The following SDK2 variants were observed in gnomAD, a reference collection of about 807,000 sequenced individuals.
SDK2 encodes the protein sidekick cell adhesion molecule 2.
In SDK2, 105 loss-of-function variants were observed where a neutral mutation model predicts 253.9. That is an observed-to-expected ratio of 0.41 (90% confidence interval 0.35 to 0.49). SDK2 has a LOEUF of 0.49. SDK2 is among the 20% of genes least tolerant of loss of function. The pLI, the probability that SDK2 is intolerant of heterozygous loss-of-function variation, is 0.06. For missense variants in SDK2, 2,608 were observed against 3,003.0 expected (o/e 0.87, Z 3.07); for synonymous variants, 1,249 against 1,234.9 (o/e 1.01, Z -0.24).
intron 18 of SDK2, among the ~76,000 whole-genome samples, chr17:73,404,585 C>G (rs922964931): frequency 2.0e-5 from 3 of 152,204 alleles, no homozygotes; most frequent in African/African-American, 4.8e-5. Context: ...CATGGACCTA[C>G]TAAGAGCTGG....
chr17:73,368,302 A>C, intron 37 of SDK2, 105 bp downstream of exon 37: 1 of 1,057,046 alleles, frequency 9.5e-7, no homozygotes, highest in Non-Finnish European at 1.3e-6. Flanking sequence ...CAGGCGGATA[A>C]GGCAGCTGCC....
chr17:73,528,248 G>A (rs2064141739), intron 1 of SDK2, among the ~76,000 whole-genome samples: 1 of 152,190 alleles, frequency 6.6e-6, no homozygotes, highest in Non-Finnish European at 1.5e-5. Context: ...TGAAGAGGTA[G>A]GGAGCCCGGC....
Position 73,386,489 on chromosome 17 carries a change from C to T in SDK2, c.4454G>A (p.Ser1485Asn). The change falls in exon 31 of 45, where the codon AGC (serine) becomes AAC (asparagine). Residue 1485 changes from serine (S) to asparagine (N), a missense_variant. Ser to Asn is a conservative substitution (Grantham distance 46, BLOSUM62 1). This residue lies in a region of SDK2 where 1,103 missense variants were observed against 1,143.9 expected (regional missense o/e 0.96). Transcript: ENST00000392650. ...TGACTCCGACTCCTCGCTGAACTCG[C>T]TGTCGCCAATGTCATTGGTCGCCTT... ...RVKATNDIGDSEFSEESESLT... is the reference protein window; with the variant it reads ...RVKATNDIGDNEFSEESESLT... 6.4e-7 allele frequency: 1 copy of T among 1,562,584 alleles called. No individual in the cohort carries two copies.
At chr17:73,462,506 G>A (rs1414701711) in intron 3 of SDK2, among the ~76,000 whole-genome samples, 1 of 152,024 alleles carries the variant, frequency 6.6e-6, no homozygotes, top group African/African-American at 2.4e-5. Flanking sequence ...ATGTTTACAT[G>A]TATGGATGCA....
At chr17:73,562,112 C>T (rs562983703) in intron 1 of SDK2, among the ~76,000 whole-genome samples, 85 of 152,036 alleles carry the variant, frequency 5.6e-4, no homozygotes, top group African/African-American at 2.0e-3. Context: ...GGCGACAGAG[C>T]GAAACTCCGT....
In SDK2 at chr17:73,435,373, CCCTCGGAAGA is replaced by C; in HGVS notation, c.1195+67_1195+76del. On this transcript the variant is annotated intron_variant, in intron 9 of 44. Coordinates refer to ENST00000392650, the MANE Select transcript of SDK2 (RefSeq NM_001144952.2). The surrounding 1 kb of genome is among the most constrained non-coding windows in gnomAD (Gnocchi z 5.7). ...ATGGAACGTGCTATGCACAAGAGGC[CCCTCGGAAGA>C]CCTTGGAAGAAAGCTGCGTCCTGGG... 1 of 1,391,528 alleles carries C rather than the reference CCCTCGGAAGA, an allele frequency of 7.2e-7. No individual in the cohort carries two copies. Among genetic ancestry groups the C allele is most frequent in the Non-Finnish European group, 9.7e-7 (1 of 1,027,754 alleles). 86.2% of individuals were successfully genotyped at this position (1,391,528 alleles called of 1,614,324 possible). A position where few individuals can be genotyped will look rare whatever the true frequency, so the allele number is the denominator to read the frequency against.
intron 1 of SDK2, among the ~76,000 whole-genome samples, chr17:73,557,771 G>A (rs1445148744): frequency 6.6e-6 from 1 of 152,104 alleles, no homozygotes; most frequent in Non-Finnish European, 1.5e-5. Context: ...AACCCAAAGT[G>A]TCAAAGCCCT....
chr17:73,508,241 C>A (rs1462036631), intron 1 of SDK2, among the ~76,000 whole-genome samples: 1 of 152,268 alleles, frequency 6.6e-6, no homozygotes, highest in East Asian at 1.9e-4. Context: ...AGCTGCTTCC[C>A]CCTCTCTGCA....
intron 1 of SDK2, among the ~76,000 whole-genome samples, chr17:73,573,358 C>G (rs891450769): frequency 1.1e-4 from 17 of 152,156 alleles, no homozygotes; most frequent in African/African-American, 3.9e-4. Context: ...TGCCTCACTG[C>G]TGCACCAGGG....
intron 1 of SDK2, among the ~76,000 whole-genome samples, chr17:73,593,895 T>C (rs1857689755): frequency 6.6e-6 from 1 of 152,182 alleles, no homozygotes; most frequent in Admixed American, 6.5e-5. Flanking sequence ...ACTGGCCATG[T>C]GGCCGAGTCT....
At chr17:73,342,840 GA>G (rs369800865) in intron 44 of SDK2, among the ~76,000 whole-genome samples, 6 of 148,376 alleles carry the variant, frequency 4.0e-5, no homozygotes, top group African/African-American at 1.5e-4. Flanking sequence ...TTCACAGGGT[GA>G]AATGAGCTAA....
At chr17:73,407,285 C>A (rs1356126158) in intron 18 of SDK2, among the ~76,000 whole-genome samples, 1 of 152,102 alleles carries the variant, frequency 6.6e-6, no homozygotes, top group Non-Finnish European at 1.5e-5. Context: ...TCTTGTCATA[C>A]CAAATTGCAA....
intron 1 of SDK2, among the ~76,000 whole-genome samples, chr17:73,574,528 C>T (rs148954798): frequency 6.6e-6 from 1 of 152,322 alleles, no homozygotes; most frequent in Non-Finnish European, 1.5e-5. Flanking sequence ...CTTCAGGAGA[C>T]TACCTTGTGT....
intron 12 of SDK2, among the ~76,000 whole-genome samples, chr17:73,426,267 A>G (rs2145597245): frequency 8.9e-6 from 1 of 112,634 alleles, no homozygotes; most frequent in Non-Finnish European, 1.7e-5. Flanking sequence ...GGGCTTTGCC[A>G]TGTTGGCCAA....
chr17:73,393,256 A>AG (rs2062943211), intron 27 of SDK2, among the ~76,000 whole-genome samples: 2 of 151,578 alleles, frequency 1.3e-5, no homozygotes, highest in Admixed American at 6.6e-5. Flanking sequence ...AAAAAAAAAA[A>AG]AAAAAAAAGA....
At chr17:73,371,797 T>C (rs1436357079) in intron 36 of SDK2, among the ~76,000 whole-genome samples, 3 of 151,870 alleles carry the variant, frequency 2.0e-5, no homozygotes, top group African/African-American at 7.3e-5. Flanking sequence ...CTATCTCTAC[T>C]AAAAATACAA....
Position 73,476,347 on chromosome 17 carries a change from G to A in SDK2, c.225-4129C>T, listed in dbSNP as rs191369533. The stretch of plus-strand genomic sequence containing the variant: ...TTTTTCAAGACGGATACTCCAGAAT[G>A]TGTTATCTCCCTTTTGGGAGAGATA... On this transcript the variant is annotated intron_variant, in intron 2 of 44. Coordinates refer to ENST00000392650, the MANE Select transcript of SDK2 (RefSeq NM_001144952.2). Among the ~76,000 whole-genome samples the A allele has an allele frequency of 3.1e-3, 476 of 152,312 alleles. 3 individuals are homozygous for A. The highest frequency in any genetic ancestry group is 0.011 in the African/African-American group (456 of 41,572).
intron 18 of SDK2, among the ~76,000 whole-genome samples, chr17:73,411,762 G>GAAC (rs2063127228): frequency 6.7e-6 from 1 of 148,822 alleles, no homozygotes; most frequent in African/African-American, 2.5e-5. Context: ...GAGAGCAAAT[G>GAAC]TACTACTACT....
intron 1 of SDK2, chr17:73,520,323 G>T (rs527604806): frequency 1.3e-5 from 2 of 152,322 alleles, no homozygotes; most frequent in Admixed American, 6.5e-5. Context: ...AACCCACGAG[G>T]TCTGGTGGCC....
Sources: gnomAD v4.1 joint callset for allele counts (sites outside exome capture counted in the v4.1 genomes callset) on GRCh38, gnomAD v4.1.1 for gene constraint, gnomAD v4.1.1 regional missense constraint, Gnocchi (gnomAD v3.1) non-coding constraint, MANE v1.5 for transcripts, NCBI Gene and HGNC (gene_info 2026-07-23, HGNC 2026-07-21) for gene names.